The following S100A8 variants were observed in gnomAD, a reference collection of about 807,000 sequenced individuals.
The protein encoded by S100A8 is S100 calcium binding protein A8.
A neutral mutation model predicts 4.2 loss-of-function variants in S100A8; 1 was observed. The observed-to-expected ratio is 0.24, with a 90% CI of 0.08 to 1.12. The LOEUF (loss-of-function observed/expected upper bound fraction) is 1.12. Among genes scored for constraint, S100A8 ranks in the 50% most tolerant of loss-of-function variants. The pLI is 0.53. For synonymous variants in S100A8, 41 were observed against 44.7 expected (o/e 0.92, Z 0.33); for missense variants, 96 against 111.8 (o/e 0.86, Z 0.64).
At chr1:153,393,034 A>T (rs1330267934), upstream of S100A8, among the ~76,000 whole-genome samples, 1 of 152,224 alleles carries the variant, frequency 6.6e-6, no homozygotes, top group Non-Finnish European at 1.5e-5. Context: ...ATGTACTATT[A>T]TAATGCCCAT....
intron 1 of S100A8, 186 bp from the exon 2 acceptor site, chr1:153,390,743 G>A (rs1662073723): frequency 1.4e-6 from 1 of 718,976 alleles, no homozygotes; most frequent in Non-Finnish European, 2.2e-6. Flanking sequence ...GTGTGGGAAG[G>A]GGAAGGGTCC....
the S100A8 span, chr1:153,418,335 C>G: frequency 1.4e-6 from 2 of 1,437,492 alleles, no homozygotes; most frequent in African/African-American, 2.8e-5. Context: ...AAAAGTTTCC[C>G]ATTTGCAAAT....
the S100A8 span, chr1:153,419,062 A>G: frequency 1.4e-6 from 2 of 1,450,688 alleles, no homozygotes; most frequent in Non-Finnish European, 1.9e-6. Context: ...ACTTGTCTGT[A>G]TCTCTGCCTC....
At chr1:153,416,545 G>T in the S100A8 span, 1 of 489,478 alleles carries the variant, frequency 2.0e-6, no homozygotes. Context: ...CCTTCTACTC[G>T]TGACACTTCC....
At chr1:153,399,646 C>T in the S100A8 span, among the ~76,000 whole-genome samples, 2 of 152,242 alleles carry the variant, frequency 1.3e-5, no homozygotes, top group Admixed American at 1.3e-4. Flanking sequence ...AGGGTGGGGA[C>T]ATGTGAGGGG....
the S100A8 span, among the ~76,000 whole-genome samples, chr1:153,412,647 G>A: frequency 6.6e-6 from 1 of 152,094 alleles, no homozygotes; most frequent in South Asian, 2.1e-4. Flanking sequence ...TATACCCAAG[G>A]GATTATAAAT....
At chr1:153,409,643 C>A in the S100A8 span, among the ~76,000 whole-genome samples, 5 of 152,210 alleles carry the variant, frequency 3.3e-5, no homozygotes, top group Non-Finnish European at 7.3e-5. Context: ...ACTCTCCACC[C>A]CACATCAACA....
At chr1:153,418,553 G>T in the S100A8 span, among the ~76,000 whole-genome samples, 2 of 152,040 alleles carry the variant, frequency 1.3e-5, no homozygotes, top group South Asian at 2.1e-4. Flanking sequence ...CTTCCCAAAG[G>T]CCCCACATCA....
At chr1:153,417,737 G>A in the S100A8 span, among the ~76,000 whole-genome samples, 1 of 152,076 alleles carries the variant, frequency 6.6e-6, no homozygotes, top group Non-Finnish European at 1.5e-5. Flanking sequence ...CCATGTGCTG[G>A]TTGAGGCTGG....
upstream of S100A8, among the ~76,000 whole-genome samples, chr1:153,391,729 G>A (rs1351482043): frequency 6.6e-6 from 1 of 152,154 alleles, no homozygotes; most frequent in Non-Finnish European, 1.5e-5. Flanking sequence ...AGCTGGGGAT[G>A]GACCATGCCC....
At chr1:153,407,318 A>G in the S100A8 span, among the ~76,000 whole-genome samples, 1 of 152,348 alleles carries the variant, frequency 6.6e-6, no homozygotes, top group South Asian at 2.1e-4. Context: ...CCAGGAGATC[A>G]TATCCCGTGC....
the S100A8 span, among the ~76,000 whole-genome samples, chr1:153,405,735 G>A: frequency 6.6e-6 from 1 of 151,970 alleles, no homozygotes; most frequent in Admixed American, 6.6e-5. Context: ...GTCTTGTGCT[G>A]GACATAAAAC....
the S100A8 span, among the ~76,000 whole-genome samples, chr1:153,413,015 A>G: frequency 2.0e-5 from 3 of 152,202 alleles, no homozygotes; most frequent in African/African-American, 7.2e-5. Flanking sequence ...AGATAGCATT[A>G]GGAGATATAC....
the S100A8 span, among the ~76,000 whole-genome samples, chr1:153,406,724 A>C: frequency 1.1e-4 from 16 of 152,124 alleles, no homozygotes; most frequent in African/African-American, 3.6e-4. Flanking sequence ...GAAGATATCA[A>C]CCAGCCAAAT....
chr1:153,412,204 G>A, the S100A8 span, among the ~76,000 whole-genome samples: 10 of 152,074 alleles, frequency 6.6e-5, no homozygotes, highest in Non-Finnish European at 1.3e-4. Flanking sequence ...GCAACCTACA[G>A]AATGGGAGAA....
chr1:153,411,149 G>A, the S100A8 span, among the ~76,000 whole-genome samples: 1 of 152,252 alleles, frequency 6.6e-6, no homozygotes, highest in African/African-American at 2.4e-5. Context: ...GCAGGAGAAA[G>A]AAATAAAGGG....
the S100A8 span, among the ~76,000 whole-genome samples, chr1:153,404,314 G>A: frequency 2.0e-5 from 3 of 152,130 alleles, no homozygotes; most frequent in East Asian, 1.9e-4. Context: ...TTCCCCAGCC[G>A]CTCTGTGGAG....
the S100A8 span, among the ~76,000 whole-genome samples, chr1:153,410,406 T>C: frequency 6.6e-6 from 1 of 152,116 alleles, no homozygotes; most frequent in Non-Finnish European, 1.5e-5. Flanking sequence ...CCTGGACACA[T>C]ACACCCTCCC....
At chr1:153,416,342 G>A in the S100A8 span, among the ~76,000 whole-genome samples, 1 of 152,212 alleles carries the variant, frequency 6.6e-6, no homozygotes, top group Non-Finnish European at 1.5e-5. Context: ...GGGGTGGGGT[G>A]GGACCTGGTG....
Sources: gnomAD v4.1 joint callset for allele counts (sites outside exome capture counted in the v4.1 genomes callset) on GRCh38, gnomAD v4.1.1 for gene constraint, MANE v1.5 for transcripts, NCBI Gene and HGNC (gene_info 2026-07-23, HGNC 2026-07-21) for gene names.